GRIK2: variants seen among roughly 807,000 people sequenced by gnomAD.
The protein encoded by GRIK2 is glutamate receptor ionotropic, kainate 2.
A neutral mutation model predicts 100.3 loss-of-function variants in GRIK2; 32 were observed. The observed-to-expected ratio is 0.32, with a 90% confidence interval of 0.24 to 0.43. The LOEUF is 0.43. Ranked by LOEUF, GRIK2 falls within the 20% of genes least tolerant of loss-of-function variation. GRIK2 has a pLI of 1.00. For synonymous variants in GRIK2, 417 were observed against 389.4 expected (o/e 1.07, Z -0.83); for missense variants, 843 against 1,114.9 (o/e 0.76, Z 3.47).
At chr6:101,745,550 G>A (rs1325062) in intron 7 of GRIK2, among the ~76,000 whole-genome samples, 24,473 of 152,028 alleles carry the variant, frequency 0.16, 2,410 homozygotes, top group African/African-American at 0.26. Context: ...AACGTTTTAT[G>A]TATGAATAAT....
At chr6:101,951,357 A>C (rs1368816504) in intron 14 of GRIK2, among the ~76,000 whole-genome samples, 1 of 152,182 alleles carries the variant, frequency 6.6e-6, no homozygotes, top group African/African-American at 2.4e-5. Context: ...TCTTTCAACT[A>C]TCTGTTACCA....
intron 4 of GRIK2, among the ~76,000 whole-genome samples, chr6:101,627,344 G>T (rs1031752152): frequency 2.0e-5 from 3 of 152,062 alleles, no homozygotes; most frequent in African/African-American, 7.2e-5. Flanking sequence ...GTTTCATCAT[G>T]TTGGCCAGGC....
At chr6:101,759,236 G>A (rs1048913886) in intron 7 of GRIK2, among the ~76,000 whole-genome samples, 7 of 152,254 alleles carry the variant, frequency 4.6e-5, no homozygotes, top group East Asian at 3.9e-4. Flanking sequence ...ATGTAAAGAA[G>A]TATTAAACAG....
intron 2 of GRIK2, among the ~76,000 whole-genome samples, chr6:101,454,606 T>C (rs533639219): frequency 6.6e-6 from 1 of 152,286 alleles, no homozygotes; most frequent in Admixed American, 6.5e-5. Flanking sequence ...GCTTGTCCTA[T>C]ACTGAGATTT....
chr6:101,910,646 A>T (rs528891497), intron 12 of GRIK2, among the ~76,000 whole-genome samples: 13 of 151,390 alleles, frequency 8.6e-5, no homozygotes, highest in Non-Finnish European at 1.6e-4. Flanking sequence ...TATGACTTTC[A>T]GGTGTATTCT....
intron 14 of GRIK2, among the ~76,000 whole-genome samples, chr6:101,978,150 A>T (rs998363165): frequency 6.6e-6 from 1 of 151,926 alleles, no homozygotes; most frequent in Non-Finnish European, 1.5e-5. Flanking sequence ...TCTGATCTTC[A>T]TGCAGAGTAT....
chr6:101,680,632 C>T (rs1771173597), intron 5 of GRIK2, among the ~76,000 whole-genome samples: 2 of 152,012 alleles, frequency 1.3e-5, no homozygotes, highest in South Asian at 2.1e-4. Flanking sequence ...ACATCTGAAT[C>T]GTTATTTCTT....
At chr6:101,898,927 G>T (rs1787659129) in intron 12 of GRIK2, among the ~76,000 whole-genome samples, 1 of 151,822 alleles carries the variant, frequency 6.6e-6, no homozygotes, top group Non-Finnish European at 1.5e-5. Flanking sequence ...ATGAGTAGGA[G>T]ATATAGTGTC....
chr6:101,540,969 G>A (rs1775954423), intron 2 of GRIK2, among the ~76,000 whole-genome samples: 1 of 151,874 alleles, frequency 6.6e-6, no homozygotes, highest in South Asian at 2.1e-4. Flanking sequence ...TAATAGATCT[G>A]GGGGGAGGAT....
At chr6:101,824,471 C>T (rs918166825) in intron 10 of GRIK2, among the ~76,000 whole-genome samples, 1 of 152,116 alleles carries the variant, frequency 6.6e-6, no homozygotes, top group East Asian at 1.9e-4. Context: ...ACTTTTTCCT[C>T]TAAATTCTTA....
chr6:101,971,737 G>A (rs1793065569), intron 14 of GRIK2, among the ~76,000 whole-genome samples: 2 of 151,732 alleles, frequency 1.3e-5, no homozygotes, highest in African/African-American at 4.8e-5. Context: ...TTCACCCATT[G>A]CCTGTCTCCA....
intron 5 of GRIK2, among the ~76,000 whole-genome samples, chr6:101,678,873 C>A (rs916145478): frequency 1.3e-5 from 2 of 152,138 alleles, no homozygotes; most frequent in Non-Finnish European, 2.9e-5. Context: ...ACTGATTGAG[C>A]TTTTACTAGG....
intron 16 of GRIK2, among the ~76,000 whole-genome samples, chr6:102,066,534 A>T (rs1772025139): frequency 6.6e-6 from 1 of 151,652 alleles, no homozygotes; most frequent in Admixed American, 6.6e-5. Flanking sequence ...ATTAAGTTAA[A>T]ACTTGAGCCA....
chr6:102,022,985 T>C (rs780187273), intron 14 of GRIK2, among the ~76,000 whole-genome samples: 1 of 151,538 alleles, frequency 6.6e-6, no homozygotes, highest in African/African-American at 2.4e-5. Context: ...AGTGAACAGA[T>C]TGAAAAGGAC....
At chr6:101,809,827 T>A (rs1214847025) in intron 9 of GRIK2, among the ~76,000 whole-genome samples, 1 of 152,070 alleles carries the variant, frequency 6.6e-6, no homozygotes, top group African/African-American at 2.4e-5. Context: ...AAACCCTGTC[T>A]CAGAACTGTA....
At chr6:101,936,537 T>G (rs753512169) in intron 14 of GRIK2, among the ~76,000 whole-genome samples, 1 of 152,144 alleles carries the variant, frequency 6.6e-6, no homozygotes, top group African/African-American at 2.4e-5. Flanking sequence ...GAAGTTATTT[T>G]TACTCCCAGA....
At chr6:101,909,905 G>A (rs1788551142) in intron 12 of GRIK2, among the ~76,000 whole-genome samples, 1 of 150,932 alleles carries the variant, frequency 6.6e-6, no homozygotes, top group African/African-American at 2.4e-5. Context: ...TTTTAATTAT[G>A]TAAAATAATA....
chr6:101,486,450 G>A (rs909664377), intron 2 of GRIK2, among the ~76,000 whole-genome samples: 13 of 151,944 alleles, frequency 8.6e-5, no homozygotes, highest in African/African-American at 3.1e-4. Flanking sequence ...TTTTCCTTCT[G>A]AGCTCTTTAT....
chr6:101,811,607 A>G (rs1388989962), intron 9 of GRIK2, among the ~76,000 whole-genome samples: 2 of 152,008 alleles, frequency 1.3e-5, no homozygotes, highest in African/African-American at 4.8e-5. Flanking sequence ...AATTTCTTGT[A>G]TACATATCAA....
Sources: allele counts gnomAD v4.1 joint callset (sites outside exome capture counted in the v4.1 genomes callset), GRCh38; gene constraint gnomAD v4.1.1; transcripts MANE v1.5; gene names NCBI Gene and HGNC (gene_info 2026-07-23, HGNC 2026-07-21).